The following METRN variants were observed in gnomAD, a reference collection of about 807,000 sequenced individuals.
The protein encoded by METRN is meteorin, glial cell differentiation regulator, also known as meteorin.
A neutral mutation model predicts 17.4 loss-of-function variants in METRN; 17 were observed. The ratio of observed to expected loss-of-function variants is 0.98; its 90% CI spans 0.67 to 1.46. METRN has a LOEUF of 1.46. METRN is among the 40% of genes most tolerant of loss of function. METRN has a pLI of 0.00. For synonymous variants in METRN, 230 were observed against 210.8 expected, an observed-to-expected ratio of 1.09 and a Z score of -0.79; for missense variants, 489 against 456.2, an observed-to-expected ratio of 1.07 and a Z score of -0.65.
Position 715,625 on chromosome 16 carries a change from T to A in METRN, c.146T>A (p.Leu49Gln). 7.0e-7 allele frequency: 1 copy of A among 1,433,118 alleles called. No individual in the cohort carries two copies. The highest frequency in any genetic ancestry group is 9.1e-7 in the Non-Finnish European group (1 of 1,098,496). 88.8% of individuals were successfully genotyped at this position (1,433,118 alleles called of 1,614,324 possible). ...QEPGSVGQLA[L>Q]ACAEGAVEWL... The stretch of plus-strand genomic sequence containing the variant: ...CCCGGCAGCGTGGGGCAGCTGGCCC[T>A]GGCCTGTGCGGAGGGCGCGGTTGAG... Residue 49 changes from leucine (L) to glutamine (Q), a missense_variant, in exon 2 of 4, where the codon CTG becomes CAG. Transcript: ENST00000568223.
chr16:717,058 T>C lies in METRN; in HGVS notation c.566-13T>C. ...CCCCTGAATGCCTACCGCAGCCACA[T>C]GCCTCCCCACAGTAATTCACGGGAT... On this transcript the variant is annotated splice_polypyrimidine_tract_variant and intron_variant, in intron 3 of 3. Transcript: ENST00000568223. The C allele has an allele frequency of 6.2e-7, 1 of 1,611,678 alleles. No individual in the cohort carries two copies. Among genetic ancestry groups the C allele is most frequent in the Non-Finnish European group, 8.5e-7 (1 of 1,179,352 alleles).
chr16:715,527 G>GATGCGCCGGGCGGGGA, intron 1 of METRN, 57 bp from the exon 2 acceptor site: 1 of 1,285,442 alleles, frequency 7.8e-7, no homozygotes, highest in East Asian at 3.2e-5. Flanking sequence ...GGGAGCGGGG[G>GATGCGCCGGGCGGGGA]CTGCGCCGGG....
Position 715,641 on chromosome 16 carries a change from C to A in METRN, c.162C>A (p.Gly54=). 2 of 1,435,224 alleles carry A rather than the reference C, an allele frequency of 1.4e-6. No homozygotes were observed. The highest frequency in any genetic ancestry group is 9.1e-7 in the Non-Finnish European group (1 of 1,099,628). The allele number at this position is 1,435,224 out of a possible 1,614,324, so 88.9% of individuals were successfully genotyped here. Reference sequence around the variant, plus strand: ...AGCTGGCCCTGGCCTGTGCGGAGGGCGCGGTTGAGTGGCTGTACCCGGCTG... The same window carrying A: ...AGCTGGCCCTGGCCTGTGCGGAGGGAGCGGTTGAGTGGCTGTACCCGGCTG... ...VGQLALACAE[G]AVEWLYPAGA... Residue 54 remains glycine, a synonymous_variant, in exon 2 of 4, where the codon GGC becomes GGA. Transcript: ENST00000568223.
Position 717,414 on chromosome 16 carries a change from T to TGCTG in METRN, c.*27_*28insGCTG. 6 of 1,373,404 alleles carry TGCTG rather than the reference T, an allele frequency of 4.4e-6. No homozygotes were observed. The African/African-American group carries it at 9.2e-5, about 21-fold the overall frequency. The allele number at this position is 1,373,404 out of a possible 1,614,324, so 85.1% of individuals were successfully genotyped here. A position where few individuals can be genotyped will look rare whatever the true frequency, so the allele number is the denominator to read the frequency against. On this transcript the variant is annotated 3_prime_UTR_variant, in exon 4 of 4. Coordinates refer to ENST00000568223, the MANE Select transcript of METRN (RefSeq NM_024042.4). ...GGGCTGGGTGCTGGGGAGGGGCTGG[T>TGCTG]AGGAGGGAGGGTGGGCCCACTGCTT...
chr16:715,591 A>G lies in METRN; in HGVS notation c.112A>G (p.Thr38Ala), dbSNP rs892921377. 7 of 1,368,128 alleles carry G rather than the reference A, an allele frequency of 5.1e-6. No individual in the cohort carries two copies. Among genetic ancestry groups the G allele is most frequent in the Admixed American group, 3.5e-5 (1 of 28,618 alleles). 84.7% of individuals were successfully genotyped at this position (1,368,128 alleles called of 1,614,324 possible). Reference protein sequence around the residue: ...ERCSWRGSGLTQEPGSVGQLA... With the variant: ...ERCSWRGSGLAQEPGSVGQLA... Reference sequence around the variant, plus strand: ...GTCCCGTCCTGTCCCCAGCGGCCTCACCCAGGAGCCCGGCAGCGTGGGGCA... The same window carrying G: ...GTCCCGTCCTGTCCCCAGCGGCCTCGCCCAGGAGCCCGGCAGCGTGGGGCA... The change falls in exon 2 of 4, where the codon ACC becomes GCC. Residue 38 changes from threonine (T) to alanine (A), a missense_variant. Thr to Ala is a moderately conservative substitution (Grantham distance 58). Transcript: ENST00000568223.
Position 715,413 on chromosome 16 carries a change from C to A in METRN, c.104+20C>A. 7.8e-7 allele frequency: 1 copy of A among 1,284,160 alleles called. No homozygotes were observed. Among genetic ancestry groups the A allele is most frequent in the Non-Finnish European group, 9.8e-7 (1 of 1,015,262 alleles). 79.5% of individuals were successfully genotyped at this position (1,284,160 alleles called of 1,614,324 possible). On this transcript the variant is annotated intron_variant, in intron 1 of 3. Coordinates refer to ENST00000568223, the MANE Select transcript of METRN (RefSeq NM_024042.4). ...GGGCAGGTACGGTCCGGGGGGCTGTCCCCGCACTTAGGACGGGGTGCGCTG... is the reference window on the plus strand; with the variant it reads ...GGGCAGGTACGGTCCGGGGGGCTGTACCCGCACTTAGGACGGGGTGCGCTG...
intron 1 of METRN, 59 bp from the exon 2 acceptor site, chr16:715,525 G>A: frequency 7.8e-7 from 1 of 1,285,066 alleles, no homozygotes; most frequent in African/African-American, 1.6e-5. Context: ...GAGGGAGCGG[G>A]GGCTGCGCCG....
Position 715,230 on chromosome 16 carries a change from G to T in METRN, c.-60G>T. 1 of 932,454 alleles carries T rather than the reference G, an allele frequency of 1.1e-6. No homozygotes were observed. Among genetic ancestry groups the T allele is most frequent in the Non-Finnish European group, 1.3e-6 (1 of 761,252 alleles). The allele number at this position is 932,454 out of a possible 1,614,324, so 57.8% of individuals were successfully genotyped here. A position where few individuals can be genotyped will look rare whatever the true frequency, so the allele number is the denominator to read the frequency against. On this transcript the variant is annotated 5_prime_UTR_variant, in exon 1 of 4. Coordinates refer to ENST00000568223, the MANE Select transcript of METRN (RefSeq NM_024042.4). ...GCTGCTCCCGCCGCCGCCCGGACCC[G>T]CGCCCCGCCGGGGCAGCGGTGGTGA...
In METRN at chr16:717,424, G is replaced by GGCA; in HGVS notation, c.*38_*39insCAG. ...CTGGGGAGGGGCTGGTAGGAGGGAG[G>GGCA]GTGGGCCCACTGCTTTGGAGGTGAT... On this transcript the variant is annotated 3_prime_UTR_variant, in exon 4 of 4. Coordinates refer to ENST00000568223, the MANE Select transcript of METRN (RefSeq NM_024042.4). 2.9e-6 allele frequency: 4 copies of GGCA among 1,357,292 alleles called. No homozygotes were observed. The South Asian group carries it at 5.0e-5, about 17-fold the overall frequency. 84.1% of individuals were successfully genotyped at this position (1,357,292 alleles called of 1,614,324 possible).
chr16:716,125 G>A, intron 2 of METRN, 141 bp downstream of exon 2: 1 of 1,351,096 alleles, frequency 7.4e-7, no homozygotes, highest in African/African-American at 1.5e-5. Flanking sequence ...AGGCCACACA[G>A]CCTGGGACTG....
Position 717,187 on chromosome 16 carries a change from T to C in METRN, c.682T>C (p.Ser228Pro), listed in dbSNP as rs1363709767. Residue 228 changes from serine to proline, a missense_variant, in exon 4 of 4, where the codon TCC (serine) becomes CCC (proline). Transcript: ENST00000568223. ...ACCGCCGCTGTTCCAGGCGGGGCGA[T>C]CCGGGGACCAGGGGCTGACCTCCAT... is the stretch of plus-strand genomic sequence containing the variant. ...QTPPLFQAGR[S>P]GDQGLTSIRT... 1 of 1,602,170 alleles carries C rather than the reference T, an allele frequency of 6.2e-7. No homozygotes were observed. The highest frequency in any genetic ancestry group is 2.3e-5 in the East Asian group (1 of 44,338).
chr16:716,623 T>C, intron 2 of METRN: 14 of 1,535,290 alleles, frequency 9.1e-6, no homozygotes, highest in Non-Finnish European at 1.2e-5. Context: ...CTGGGGTGCA[T>C]ATGTCAGATG....
At position 715,459 on chromosome 16, in the gene METRN, C is replaced by T. The variant is rs922179414; in HGVS notation, c.104+66C>T. The T allele has an allele frequency of 6.4e-6, 8 of 1,259,058 alleles. No individual in the cohort carries two copies. In the South Asian group the frequency reaches 1.8e-4, roughly 28 times the overall value. The allele number at this position is 1,259,058 out of a possible 1,614,324, so 78.0% of individuals were successfully genotyped here. A position where few individuals can be genotyped will look rare whatever the true frequency, so the allele number is the denominator to read the frequency against. On this transcript the variant is annotated intron_variant, in intron 1 of 3. Transcript: ENST00000568223. ...CGCTGCGGCTAGGACCCCCCAGGCG[C>T]CCCTCGGAGCGCGCAGAGCGCTGGG...
rs1567305061 is a variant in METRN, at chr16:719,348, G to A, written c.*1961G>A. ...GGGACAGGTGGCCAAAGTGGCATGG[G>A]AGATAGGGAGACAGTGTGGGTGAGC... On this transcript the variant is annotated 3_prime_UTR_variant, in exon 4 of 4. Coordinates refer to ENST00000568223, the MANE Select transcript of METRN (RefSeq NM_024042.4). 1 of 152,384 alleles carries A rather than the reference G, an allele frequency of 6.6e-6. No individual in the cohort carries two copies. The highest frequency in any genetic ancestry group is 1.5e-5 in the Non-Finnish European group (1 of 68,154). The allele number at this position is 152,384 out of a possible 1,614,324, so 9.4% of individuals were successfully genotyped here.
chr16:717,008 A>G lies in METRN; in HGVS notation c.565+16A>G, dbSNP rs775171333. ...AGCGACTTCGGTGAGTGTCCCCGCC[A>G]TGGGGGGAGCCTGGAGCCTGCCTTC... On this transcript the variant is annotated intron_variant, in intron 3 of 3. Coordinates refer to ENST00000568223, the MANE Select transcript of METRN (RefSeq NM_024042.4). 3.1e-6 allele frequency: 5 copies of G among 1,610,212 alleles called. No individual in the cohort carries two copies. In the Admixed American group the frequency reaches 6.7e-5, roughly 22 times the overall value.
chr16:717,644 G>A lies in METRN; in HGVS notation c.*257G>A, dbSNP rs1013898160. 24 of 401,094 alleles carry A rather than the reference G, an allele frequency of 6.0e-5. No homozygotes were observed. The highest frequency in any genetic ancestry group is 6.1e-4 in the Middle Eastern group (1 of 1,636). 24.8% of individuals were successfully genotyped at this position (401,094 alleles called of 1,614,324 possible). A position where few individuals can be genotyped will look rare whatever the true frequency, so the allele number is the denominator to read the frequency against. ...TGAGAGGGAGAGCAGATGTCAGGAG[G>A]AGCTACACCCACATTCCGGGGAGGG... On this transcript the variant is annotated 3_prime_UTR_variant, in exon 4 of 4. Transcript: ENST00000568223.
rs1431120889 is a variant in METRN, at chr16:717,386, G to A, written c.881G>A (p.Ter294=). 3 of 1,426,248 alleles carry A rather than the reference G, an allele frequency of 2.1e-6. No individual in the cohort carries two copies. The East Asian group carries it at 8.0e-5, about 38-fold the overall frequency. 88.3% of individuals were successfully genotyped at this position (1,426,248 alleles called of 1,614,324 possible). The change falls in exon 4 of 4, where the codon TGA becomes TAA. Residue 294 remains the stop codon, a stop_retained_variant. Transcript: ENST00000568223. ...CACCCCTGCGAGGTGGCGCTGCACT[G>A]AGGGGCTGGGTGCTGGGGAGGGGCT... ...HLHPCEVALH[*]
rs1303533412 is a variant in METRN at position 715,811 on chromosome 16, C to A, written c.332C>A (p.Pro111Gln). The change falls in exon 2 of 4, where the codon CCG becomes CAG. Residue 111 changes from proline (P) to glutamine (Q), a missense_variant. Coordinates refer to ENST00000568223, the MANE Select transcript of METRN (RefSeq NM_024042.4). ...CTGGAGCTGCTGCTGGCCGAGGGCC[C>A]GGGCCCGGCAGGGGGCCGCTGCGTG... ...GALELLLAEG[P>Q]GPAGGRCVRW... The A allele has an allele frequency of 7.9e-7, 1 of 1,263,712 alleles. No individual in the cohort carries two copies. Among genetic ancestry groups the A allele is most frequent in the South Asian group, 2.9e-5 (1 of 34,450 alleles). 78.3% of individuals were successfully genotyped at this position (1,263,712 alleles called of 1,614,324 possible).
chr16:716,456 G>T (rs760993882), intron 2 of METRN: 185 of 1,439,722 alleles, frequency 1.3e-4, no homozygotes, highest in Non-Finnish European at 1.6e-4. Context: ...CTGGAGCTTG[G>T]CGCCTGACCC....
Sources: gnomAD v4.1 joint callset for allele counts on GRCh38, gnomAD v4.1.1 for gene constraint, MANE v1.5 for transcripts, NCBI Gene and HGNC (gene_info 2026-07-23, HGNC 2026-07-21) for gene names.